The following SCN1A variants were observed in gnomAD, a reference collection of about 807,000 sequenced individuals.
The protein encoded by SCN1A is sodium channel protein type 1 subunit alpha.
SCN1A carries 13 observed loss-of-function variants against 193.7 expected under a neutral mutation model. That is an observed-to-expected ratio of 0.07 (90% CI 0.04 to 0.11). SCN1A has a LOEUF of 0.11. SCN1A is among the 10% of genes least tolerant of loss of function. The pLI is 1.00. For missense variants in SCN1A, 1,432 were observed against 2,451.1 expected, an observed-to-expected ratio of 0.58 and a Z score of 8.78; for synonymous variants, 781 against 843.6, an observed-to-expected ratio of 0.93 and a Z score of 1.29.
At position 166,002,812 on chromosome 2, in the gene SCN1A, A is replaced by G; in HGVS notation, c.4003-59T>C. The G allele has an allele frequency of 7.7e-6, 11 of 1,423,458 alleles. No homozygotes were observed. The South Asian group carries it at 1.5e-4, about 19-fold the overall frequency. The allele number at this position is 1,423,458 out of a possible 1,614,324, so 88.2% of individuals were successfully genotyped here. ...ATTCTTATCTGTTAATAAAGAAAAA[A>G]AATTCCCCTAGTAATCTCTGGTCTT... is the stretch of plus-strand genomic sequence containing the variant. On this transcript the variant is annotated intron_variant, in intron 23 of 28. Coordinates refer to ENST00000674923, the MANE Select transcript of SCN1A (RefSeq NM_001165963.4).
At chr2:166,116,904 G>A (rs1689930752) in intron 2 of SCN1A, among the ~76,000 whole-genome samples, 1 of 152,130 alleles carries the variant, frequency 6.6e-6, no homozygotes, top group South Asian at 2.1e-4. Flanking sequence ...TGGGATGAGT[G>A]CTTGGCTAAG....
chr2:166,082,356 G>T (rs1398960913), intron 2 of SCN1A, among the ~76,000 whole-genome samples: 1 of 151,972 alleles, frequency 6.6e-6, no homozygotes, highest in Non-Finnish European at 1.5e-5. Context: ...ACCAGTGTCT[G>T]CCAGGTCCTA....
intron 23 of SCN1A, among the ~76,000 whole-genome samples, chr2:166,006,720 A>G (rs1691713192): frequency 6.6e-6 from 1 of 151,392 alleles, no homozygotes. Flanking sequence ...GAGTGGTCAC[A>G]ATCAATACCA....
intron 6 of SCN1A, 66 bp downstream of exon 6, chr2:166,056,342 GACT>G: frequency 1.0e-6 from 1 of 978,052 alleles, no homozygotes; most frequent in Non-Finnish European, 1.6e-6. Context: ...TTTATTTTAA[GACT>G]ACATTAAGAC....
intron 19 of SCN1A, chr2:166,026,994 T>C (rs1694881776): frequency 6.6e-6 from 1 of 152,228 alleles, no homozygotes; most frequent in South Asian, 2.1e-4. Context: ...GAATCAACCT[T>C]AAATTTTACC....
At chr2:166,063,809 A>C (rs945832534) in intron 4 of SCN1A, among the ~76,000 whole-genome samples, 1 of 152,106 alleles carries the variant, frequency 6.6e-6, no homozygotes, top group African/African-American at 2.4e-5. Context: ...TGATATAAAA[A>C]ATTTTTGAGA....
intron 2 of SCN1A, among the ~76,000 whole-genome samples, chr2:166,088,080 G>T (rs1686342953): frequency 6.7e-6 from 1 of 149,498 alleles, no homozygotes; most frequent in African/African-American, 2.6e-5. Flanking sequence ...GTGTGTGTGT[G>T]TGTGTAAGGG....
intron 19 of SCN1A, among the ~76,000 whole-genome samples, chr2:166,031,159 C>T (rs1695502914): frequency 6.6e-6 from 1 of 152,086 alleles, no homozygotes; most frequent in South Asian, 2.1e-4. Flanking sequence ...TATTCCCTTT[C>T]TTCTTTTGGA....
chr2:166,040,080 G>T (rs935268101), intron 16 of SCN1A, among the ~76,000 whole-genome samples: 1 of 151,698 alleles, frequency 6.6e-6, no homozygotes, highest in Non-Finnish European at 1.5e-5. Context: ...CACCACGCCC[G>T]CCTAATTTTT....
chr2:166,050,229 GC>G (rs1423354537), intron 9 of SCN1A, among the ~76,000 whole-genome samples: 2 of 151,844 alleles, frequency 1.3e-5, no homozygotes, highest in African/African-American at 4.8e-5. Context: ...TTAATGATCA[GC>G]CTTAACCTGA....
At chr2:165,996,141 G>C (rs760569965) in intron 26 of SCN1A, 24 bp from the exon 27 acceptor site, 2 of 1,392,632 alleles carry the variant, frequency 1.4e-6, no homozygotes, top group Admixed American at 3.4e-5. Flanking sequence ...AAATCAAACT[G>C]GTTAAAACTG....
chr2:165,996,244 G>T, intron 26 of SCN1A, 127 bp from the exon 27 acceptor site: 1 of 604,208 alleles, frequency 1.7e-6, no homozygotes, highest in Non-Finnish European at 2.9e-6. Context: ...AATTATATCT[G>T]GGATTTAAAA....
intron 19 of SCN1A, among the ~76,000 whole-genome samples, chr2:166,033,079 A>G (rs112903018): frequency 1.3e-5 from 2 of 152,196 alleles, no homozygotes; most frequent in Admixed American, 1.3e-4. Flanking sequence ...ATGCATGCAT[A>G]TAAGTAGCTA....
chr2:166,148,125 C>G (rs539675994), intron 1 of SCN1A, among the ~76,000 whole-genome samples: 1 of 152,320 alleles, frequency 6.6e-6, no homozygotes, highest in East Asian at 1.9e-4. Flanking sequence ...CAAGGACACA[C>G]AGGAAGATAA....
intron 2 of SCN1A, among the ~76,000 whole-genome samples, chr2:166,113,890 AAAT>A (rs1364938942): frequency 1.3e-5 from 2 of 152,206 alleles, no homozygotes; most frequent in African/African-American, 2.4e-5. Context: ...AAAATTGATA[AAAT>A]AATAATTAAA....
Position 166,128,019 on chromosome 2 carries a change from G to T in SCN1A, c.-477C>A. 1 of 135,034 alleles carries T rather than the reference G, an allele frequency of 7.4e-6. No homozygotes were observed. The allele number at this position is 135,034 out of a possible 1,614,324, so 8.4% of individuals were successfully genotyped here. ...GGCTTCATCCTCGCCTCACTCTATG[G>T]TACCTAATACAAATCAGCAAATAGC... On this transcript the variant is annotated 5_prime_UTR_variant, in exon 1 of 29. Transcript: ENST00000674923.
intron 2 of SCN1A, among the ~76,000 whole-genome samples, chr2:166,086,506 C>G (rs916085948): frequency 6.6e-6 from 1 of 152,100 alleles, no homozygotes; most frequent in African/African-American, 2.4e-5. Context: ...ATATTCATGA[C>G]TCCTCCTATA....
chr2:166,026,944 G>C (rs1299385819), intron 19 of SCN1A, among the ~76,000 whole-genome samples: 1 of 151,762 alleles, frequency 6.6e-6, no homozygotes, highest in African/African-American at 2.4e-5. Context: ...CGGCCTCCCG[G>C]AATATTTCTT....
chr2:166,047,104 G>A (rs1206605262), intron 11 of SCN1A, 128 bp from the exon 12 acceptor site: 1 of 1,031,182 alleles, frequency 9.7e-7, no homozygotes, highest in Non-Finnish European at 1.4e-6. Context: ...ATAGCACCCT[G>A]TACTTTTTTT....
Sources: gnomAD v4.1 joint callset for allele counts (sites outside exome capture counted in the v4.1 genomes callset) on GRCh38, gnomAD v4.1.1 for gene constraint, MANE v1.5 for transcripts, NCBI Gene and HGNC (gene_info 2026-07-23, HGNC 2026-07-21) for gene names.